The following KIF1B variants were observed in gnomAD, a reference collection of about 807,000 sequenced individuals.
KIF1B encodes the protein kinesin-like protein KIF1B.
A neutral mutation model predicts 241.9 loss-of-function variants in KIF1B; 76 were observed. The ratio of observed to expected loss-of-function variants is 0.31; its 90% CI spans 0.26 to 0.38. KIF1B has a LOEUF of 0.38. Among genes scored for constraint, KIF1B ranks in the 10% least tolerant of loss-of-function variants. The pLI is 1.00. For missense variants in KIF1B, 1,622 were observed against 2,271.4 expected, an observed-to-expected ratio of 0.71 and a Z score of 5.81; for synonymous variants, 750 against 796.7, an observed-to-expected ratio of 0.94 and a Z score of 0.99.
At chr1:10,348,227 C>T (rs915424694) in intron 36 of KIF1B, among the ~76,000 whole-genome samples, 2 of 152,052 alleles carry the variant, frequency 1.3e-5, no homozygotes, top group Admixed American at 1.3e-4. Flanking sequence ...AACATAGGTC[C>T]GCTTTTGGTA....
In KIF1B at chr1:10,296,957, G is replaced by A. The variant is rs1357742021; in HGVS notation, c.1922G>A (p.Arg641Gln). 1.2e-6 allele frequency: 2 copies of A among 1,613,912 alleles called. No homozygotes were observed. Among genetic ancestry groups the A allele is most frequent in the African/African-American group, 1.3e-5 (1 of 74,882 alleles). ...CGCTTTAACCACCCGGAACAAGCAC[G>A]AGCTGAGCGAGAGAAGACTCCTTCT... Reference protein sequence around the residue: ...VFRFNHPEQARAEREKTPSAE... With the variant: ...VFRFNHPEQAQAEREKTPSAE... Residue 641 changes from arginine (R) to glutamine (Q), a missense_variant, in exon 21 of 49, where the codon CGA becomes CAA. By Grantham distance (43) the Arg-to-Gln change is conservative. Coordinates refer to ENST00000676179, the MANE Select transcript of KIF1B (RefSeq NM_001365951.3).
intron 15 of KIF1B, among the ~76,000 whole-genome samples, chr1:10,289,727 T>C (rs948379127): frequency 6.6e-6 from 1 of 151,938 alleles, no homozygotes; most frequent in African/African-American, 2.4e-5. Flanking sequence ...CTACTAAAAA[T>C]ACAAAAACTT....
chr1:10,353,113 T>C (rs1023011858), intron 38 of KIF1B, among the ~76,000 whole-genome samples: 1 of 152,184 alleles, frequency 6.6e-6, no homozygotes, highest in Non-Finnish European at 1.5e-5. Flanking sequence ...ATGGTTGCTG[T>C]GGAGAGAAAG....
At chr1:10,263,232 C>T (rs989610394) in intron 5 of KIF1B, among the ~76,000 whole-genome samples, 36 of 150,036 alleles carry the variant, frequency 2.4e-4, no homozygotes, top group African/African-American at 8.3e-4. Context: ...TACAGTGAGC[C>T]GAGATCATGC....
At chr1:10,222,366 CAG>C (rs1232585222) in intron 1 of KIF1B, among the ~76,000 whole-genome samples, 1 of 152,092 alleles carries the variant, frequency 6.6e-6, no homozygotes, top group Non-Finnish European at 1.5e-5. Flanking sequence ...AAAGCTGAGA[CAG>C]GGGAGGTAGG....
Position 10,234,412 on chromosome 1 carries a change from T to C in KIF1B, c.106+1978T>C, listed in dbSNP as rs1171363842. Among the ~76,000 whole-genome samples the C allele has an allele frequency of 2.0e-5, 3 of 152,104 alleles. No homozygotes were observed. In the East Asian group the frequency reaches 5.8e-4, roughly 30 times the overall value. On this transcript the variant is annotated intron_variant, in intron 2 of 48. Transcript: ENST00000676179. ...TAGTAGAGATGGAGTTTCACCATAT[T>C]GGCCAGCCTCATCGCAAACTCCTGA...
intron 11 of KIF1B, 126 bp from the exon 12 acceptor site, chr1:10,276,195 A>T (rs569477430): frequency 3.9e-6 from 3 of 762,330 alleles, no homozygotes; most frequent in Non-Finnish European, 6.7e-6. Context: ...AAAAAAAAAT[A>T]AAAGAAAGAA....
At chr1:10,251,698 C>A (rs1024658026) in intron 2 of KIF1B, among the ~76,000 whole-genome samples, 5 of 151,352 alleles carry the variant, frequency 3.3e-5, no homozygotes, top group African/African-American at 1.2e-4. Flanking sequence ...CCTACCATTG[C>A]ACTCCAGCCT....
In KIF1B at chr1:10,377,791, T is replaced by A. The variant is rs1436700302; in HGVS notation, c.*1204T>A. 5.5e-6 allele frequency: 1 copy of A among 183,154 alleles called. No individual in the cohort carries two copies. Among genetic ancestry groups the A allele is most frequent in the Non-Finnish European group, 1.2e-5 (1 of 86,468 alleles). The allele number at this position is 183,154 out of a possible 1,614,324, so 11.3% of individuals were successfully genotyped here. On this transcript the variant is annotated 3_prime_UTR_variant, in exon 49 of 49. Coordinates refer to ENST00000676179, the MANE Select transcript of KIF1B (RefSeq NM_001365951.3). ...GTCTCTACTAAAAATACAAAATTAGTCGGGTATGGTGGCACATGCCTGTAA... is the reference window on the plus strand; with the variant it reads ...GTCTCTACTAAAAATACAAAATTAGACGGGTATGGTGGCACATGCCTGTAA...
rs1646680365 is a variant in KIF1B at position 10,210,672 on chromosome 1, A to C, written c.-286A>C. ...CCGTCGCCGCGCCCTGGCCTCCCGC[A>C]CTCGCGCACTCCTGTCCGCCGCCCA... is the stretch of plus-strand genomic sequence containing the variant. On this transcript the variant is annotated 5_prime_UTR_variant, in exon 1 of 49. Coordinates refer to ENST00000676179, the MANE Select transcript of KIF1B (RefSeq NM_001365951.3). The surrounding 1 kb of genome is among the most constrained non-coding windows in gnomAD (Gnocchi z 4.1). The C allele has an allele frequency of 1.3e-5, 2 of 152,158 alleles. No individual in the cohort carries two copies. The highest frequency in any genetic ancestry group is 2.9e-5 in the Non-Finnish European group (2 of 68,398). The allele number at this position is 152,158 out of a possible 1,614,324, so 9.4% of individuals were successfully genotyped here.
intron 17 of KIF1B, among the ~76,000 whole-genome samples, chr1:10,294,046 G>A (rs1650140051): frequency 6.6e-6 from 1 of 152,148 alleles, no homozygotes; most frequent in African/African-American, 2.4e-5. Context: ...AAGATGTGGA[G>A]GTTTTTCAGA....
At chr1:10,287,471 ATTTTGCAGGCTT>A (rs1402159965) in intron 15 of KIF1B, among the ~76,000 whole-genome samples, 1 of 152,058 alleles carries the variant, frequency 6.6e-6, no homozygotes, top group East Asian at 1.9e-4. Flanking sequence ...AGAATAAACG[ATTTTGCAGGCTT>A]TTTTCAGCCC....
At chr1:10,358,881 A>G (rs924810962) in intron 38 of KIF1B, among the ~76,000 whole-genome samples, 1 of 152,154 alleles carries the variant, frequency 6.6e-6, no homozygotes, top group African/African-American at 2.4e-5. Context: ...AAAGGCCTTC[A>G]TTGTCCATCA....
intron 38 of KIF1B, among the ~76,000 whole-genome samples, chr1:10,360,692 A>G (rs1160974596): frequency 1.3e-5 from 2 of 152,168 alleles, no homozygotes; most frequent in Middle Eastern, 6.8e-3. Context: ...CTCAAAAAAA[A>G]AAAAAAAAAA....
chr1:10,368,258 G>C (rs960148488), intron 43 of KIF1B, among the ~76,000 whole-genome samples: 1 of 152,118 alleles, frequency 6.6e-6, no homozygotes, highest in Admixed American at 6.6e-5. Context: ...TTGTTTGTTT[G>C]TTTTTAAATT....
Position 10,272,234 on chromosome 1 carries a change from A to AT in KIF1B, c.799-3dup. The AT allele has an allele frequency of 6.5e-7, 1 of 1,527,670 alleles. No homozygotes were observed. Among genetic ancestry groups the AT allele is most frequent in the Non-Finnish European group, 9.1e-7 (1 of 1,101,398 alleles). 94.6% of individuals were successfully genotyped at this position (1,527,670 alleles called of 1,614,324 possible). On this transcript the variant is annotated splice_region_variant and splice_polypyrimidine_tract_variant and intron_variant, in intron 8 of 48. Transcript: ENST00000676179. ...CATCATTCTTTCATATTTGGTATTT[A>AT]TTTTAGGAAGGAGCAAATATTAATA...
Position 10,345,955 on chromosome 1 carries a change from TA to T in KIF1B, c.3797+4del. The T allele has an allele frequency of 6.3e-7, 1 of 1,577,174 alleles. No homozygotes were observed. Among genetic ancestry groups the T allele is most frequent in the Non-Finnish European group, 8.7e-7 (1 of 1,146,440 alleles). On this transcript the variant is annotated splice_donor_region_variant and intron_variant, in intron 35 of 48. Coordinates refer to ENST00000676179, the MANE Select transcript of KIF1B (RefSeq NM_001365951.3). The stretch of plus-strand genomic sequence containing the variant: ...CAGTGAACTGGAGCCTACAGGAGAG[TA>T]AGTCCAACTTAATAAATTTTTAAAT...
chr1:10,307,065 G>A (rs892800948), intron 22 of KIF1B: 27 of 1,038,342 alleles, frequency 2.6e-5, no homozygotes, highest in Non-Finnish European at 2.9e-5. Context: ...TTAATCCCAG[G>A]TGTCCTCATG....
chr1:10,375,094 CTT>C (rs1487726973), intron 47 of KIF1B, 48 bp downstream of exon 47: 6 of 1,590,104 alleles, frequency 3.8e-6, no homozygotes, highest in East Asian at 4.5e-5. Flanking sequence ...GTGCCCTTCT[CTT>C]TTGATTTCTG....
Sources: allele counts gnomAD v4.1 joint callset (sites outside exome capture counted in the v4.1 genomes callset), GRCh38; gene constraint gnomAD v4.1.1; non-coding constraint Gnocchi (gnomAD v3.1); transcripts MANE v1.5; gene names NCBI Gene and HGNC (gene_info 2026-07-23, HGNC 2026-07-21).